Variants in ILKAP observed in about 807,000 individuals in gnomAD.
ILKAP encodes ILK associated serine/threonine phosphatase, also known as integrin-linked kinase-associated serine/threonine phosphatase 2C.
In ILKAP, 11 loss-of-function variants were observed where a neutral mutation model predicts 49.1. That is an observed-to-expected ratio of 0.22 (90% CI 0.14 to 0.37). The LOEUF (loss-of-function observed/expected upper bound fraction) is 0.37, where lower values mean the gene tolerates loss of function less well. Ranked by LOEUF, ILKAP falls within the 10% of genes least tolerant of loss-of-function variation. ILKAP has a pLI of 1.00. For missense variants in ILKAP, 363 were observed against 510.8 expected, an observed-to-expected ratio of 0.71 and a Z score of 2.79; for synonymous variants, 186 against 192.8, an observed-to-expected ratio of 0.96 and a Z score of 0.29.
intron 7 of ILKAP, 27 bp from the exon 8 acceptor site, chr2:238,183,767 G>T: frequency 6.4e-7 from 1 of 1,550,504 alleles, no homozygotes; most frequent in Non-Finnish European, 8.9e-7. Flanking sequence ...CAGAAACACA[G>T]TCACCACCAA....
At chr2:238,198,714 T>C (rs1694446632) in intron 1 of ILKAP, among the ~76,000 whole-genome samples, 1 of 152,156 alleles carries the variant, frequency 6.6e-6, no homozygotes, top group African/African-American at 2.4e-5. Context: ...TAATCTCATC[T>C]AGAACTTTTT....
chr2:238,179,241 T>G (rs958635830), intron 9 of ILKAP, among the ~76,000 whole-genome samples: 3 of 152,096 alleles, frequency 2.0e-5, no homozygotes, highest in Non-Finnish European at 4.4e-5. Flanking sequence ...CAATGAATAG[T>G]CAGTTGGCAC....
At chr2:238,190,078 G>C (rs1013869541) in intron 3 of ILKAP, 106 bp from the exon 4 acceptor site, 1 of 1,231,242 alleles carries the variant, frequency 8.1e-7, no homozygotes, top group African/African-American at 1.5e-5. Context: ...GTCATTTGAA[G>C]CAAGGACTGG....
intron 11 of ILKAP, 62 bp from the exon 12 acceptor site, chr2:238,170,738 A>G: frequency 6.2e-7 from 1 of 1,601,400 alleles, no homozygotes; most frequent in Non-Finnish European, 8.5e-7. Context: ...CTTTCCTGAG[A>G]CATGACTGCC....
chr2:238,180,167 C>CA (rs937999114), intron 9 of ILKAP, among the ~76,000 whole-genome samples: 611 of 129,594 alleles, frequency 4.7e-3, no homozygotes, highest in African/African-American at 0.01. Flanking sequence ...TTCTCTCTCT[C>CA]AAAAAAAAAA....
intron 3 of ILKAP, 115 bp downstream of exon 3, chr2:238,194,160 G>C: frequency 2.5e-6 from 2 of 804,358 alleles, no homozygotes; most frequent in South Asian, 3.2e-5. Context: ...ACCTTATGCT[G>C]TATTATGACT....
At chr2:238,192,513 C>T (rs923955784) in intron 3 of ILKAP, among the ~76,000 whole-genome samples, 3 of 151,922 alleles carry the variant, frequency 2.0e-5, no homozygotes, top group African/African-American at 7.3e-5. Flanking sequence ...TCCTGGCTAA[C>T]ATGGTGAAAC....
intron 9 of ILKAP, among the ~76,000 whole-genome samples, chr2:238,181,653 C>T (rs1430387493): frequency 1.4e-5 from 2 of 147,046 alleles, no homozygotes; most frequent in African/African-American, 5.0e-5. Context: ...GATGGAGTCT[C>T]GCTCTGTTGC....
chr2:238,183,565 A>G, intron 8 of ILKAP, 88 bp downstream of exon 8: 1 of 912,884 alleles, frequency 1.1e-6, no homozygotes, highest in Non-Finnish European at 1.7e-6. Context: ...AGACACCATC[A>G]CTTTAATCTT....
intron 10 of ILKAP, among the ~76,000 whole-genome samples, chr2:238,172,059 CTGT>C (rs748730292): frequency 6.6e-6 from 1 of 151,776 alleles, no homozygotes; most frequent in Non-Finnish European, 1.5e-5. Flanking sequence ...GCTGCTGCTG[CTGT>C]TGTTGTTGAG....
chr2:238,185,890 T>G (rs532258576), intron 5 of ILKAP: 8 of 152,240 alleles, frequency 5.3e-5, no homozygotes, highest in African/African-American at 1.9e-4. Flanking sequence ...GGTCTAATAT[T>G]CTAAAAGAGA....
At chr2:238,187,096 T>G (rs1693937660) in intron 5 of ILKAP, 1 of 152,104 alleles carries the variant, frequency 6.6e-6, no homozygotes, top group Non-Finnish European at 1.5e-5. Context: ...TACAAAAAAT[T>G]CAAAAAATTA....
intron 3 of ILKAP, among the ~76,000 whole-genome samples, chr2:238,193,721 T>C (rs1001839827): frequency 3.3e-5 from 5 of 152,120 alleles, no homozygotes; most frequent in Non-Finnish European, 7.4e-5. Context: ...TTACCTGCAT[T>C]CCCCACTGCC....
intron 10 of ILKAP, among the ~76,000 whole-genome samples, chr2:238,172,629 T>C (rs1015605112): frequency 6.6e-6 from 1 of 152,132 alleles, no homozygotes; most frequent in Non-Finnish European, 1.5e-5. Context: ...ACAAACACAC[T>C]GAAGAAGATG....
At chr2:238,172,688 A>C (rs754473178) in intron 10 of ILKAP, among the ~76,000 whole-genome samples, 15 of 152,184 alleles carry the variant, frequency 9.9e-5, no homozygotes, top group Non-Finnish European at 1.9e-4. Flanking sequence ...GCGAGTGCCA[A>C]AGCAAGGCAC....
chr2:238,189,231 T>TTC (rs1417617473), intron 4 of ILKAP, among the ~76,000 whole-genome samples: 1 of 151,924 alleles, frequency 6.6e-6, no homozygotes, highest in Non-Finnish European at 1.5e-5. Context: ...GGTAGAATGG[T>TTC]ATGAACCCGG....
chr2:238,171,900 A>G (rs1467245169), intron 10 of ILKAP, among the ~76,000 whole-genome samples: 1 of 152,160 alleles, frequency 6.6e-6, no homozygotes, highest in African/African-American at 2.4e-5. Context: ...CTTTCTGAAC[A>G]CCAATGGATT....
At chr2:238,194,190 G>C in intron 3 of ILKAP, 85 bp downstream of exon 3, 2 of 1,215,462 alleles carry the variant, frequency 1.6e-6, no homozygotes, top group Non-Finnish European at 2.4e-6. Flanking sequence ...CCAAAATCCC[G>C]TTAAAACCTA....
chr2:238,181,007 A>G (rs1693670678), intron 9 of ILKAP, among the ~76,000 whole-genome samples: 1 of 152,234 alleles, frequency 6.6e-6, no homozygotes, highest in Non-Finnish European at 1.5e-5. Context: ...GAGGCCTGAA[A>G]CCAGGCCTAT....
Sources: gnomAD v4.1 joint callset for allele counts (sites outside exome capture counted in the v4.1 genomes callset) on GRCh38, gnomAD v4.1.1 for gene constraint, MANE v1.5 for transcripts, NCBI Gene and HGNC (gene_info 2026-07-23, HGNC 2026-07-21) for gene names.